Variants in CDH12 observed in about 807,000 individuals in gnomAD.
CDH12 encodes the protein cadherin-12.
Under a neutral mutation model 74.1 loss-of-function variants are expected in CDH12, and 41 were observed. The ratio of observed to expected loss-of-function variants is 0.55; its 90% confidence interval spans 0.43 to 0.72. CDH12 has a LOEUF of 0.72. Among genes scored for constraint, CDH12 ranks in the 30% least tolerant of loss-of-function variants. The probability of loss-of-function intolerance (pLI) is 0.00; values close to 1 mark genes in which losing one functional copy is unlikely to be tolerated. For synonymous variants in CDH12, 399 were observed against 355.0 expected (o/e 1.12, Z -1.39); for missense variants, 945 against 977.2 (o/e 0.97, Z 0.44).
At chr5:22,414,682 T>C (rs1743306671) in intron 2 of CDH12, among the ~76,000 whole-genome samples, 1 of 151,886 alleles carries the variant, frequency 6.6e-6, no homozygotes. Context: ...GAATTACTGA[T>C]TCAGTAAATG....
At position 22,696,981 on chromosome 5, in the gene CDH12, A is replaced by G. The variant is rs1240903640; in HGVS notation, c.-523+156077T>C. Reference sequence around the variant, plus strand: ...AAAAAAAATCTTAAAAAGAACTCCTACCGTGTAACCCAGATTGAAGTTATT... The same window carrying G: ...AAAAAAAATCTTAAAAAGAACTCCTGCCGTGTAACCCAGATTGAAGTTATT... On this transcript the variant is annotated intron_variant, in intron 1 of 14. Transcript: ENST00000382254. Among the ~76,000 whole-genome samples, 3 of 152,094 alleles carry G rather than the reference A, an allele frequency of 2.0e-5. No homozygotes were observed. The East Asian group carries it at 5.8e-4, about 29-fold the overall frequency.
chr5:22,521,758 G>C (rs943343803), intron 1 of CDH12, among the ~76,000 whole-genome samples: 1 of 152,150 alleles, frequency 6.6e-6, no homozygotes, highest in Non-Finnish European at 1.5e-5. Context: ...TTAAATGAAT[G>C]AACGTGGATG....
chr5:22,055,720 AT>A (rs1349706176), intron 5 of CDH12, among the ~76,000 whole-genome samples: 5 of 152,146 alleles, frequency 3.3e-5, no homozygotes, highest in Non-Finnish European at 7.4e-5. Flanking sequence ...GTATTAATAA[AT>A]AAAATCATAA....
At chr5:22,279,873 T>C (rs1377990820) in intron 3 of CDH12, among the ~76,000 whole-genome samples, 2 of 152,120 alleles carry the variant, frequency 1.3e-5, no homozygotes, top group African/African-American at 4.8e-5. Flanking sequence ...ATGATTTATA[T>C]TCCTTTGGGT....
At chr5:22,765,388 T>C (rs1010440002) in intron 1 of CDH12, among the ~76,000 whole-genome samples, 1 of 152,002 alleles carries the variant, frequency 6.6e-6, no homozygotes, top group Admixed American at 6.6e-5. Context: ...TCATTACTTA[T>C]GTAAGAAATT....
chr5:22,080,116 G>A (rs1742621813), intron 4 of CDH12, among the ~76,000 whole-genome samples: 1 of 152,056 alleles, frequency 6.6e-6, no homozygotes. Context: ...GGCCGAAAAC[G>A]TTGGAAGCCA....
intron 3 of CDH12, among the ~76,000 whole-genome samples, chr5:22,264,635 A>G (rs1045192874): frequency 4.6e-5 from 7 of 152,188 alleles, no homozygotes; most frequent in African/African-American, 1.7e-4. Flanking sequence ...TGGATCACAA[A>G]AGTCTTCATC....
intron 1 of CDH12, chr5:22,638,652 C>G (rs1738964971): frequency 6.6e-6 from 1 of 152,324 alleles, no homozygotes; most frequent in South Asian, 2.1e-4. Flanking sequence ...CAAGTTGACA[C>G]TAAGTGTTAA....
intron 3 of CDH12, among the ~76,000 whole-genome samples, chr5:22,389,118 T>C (rs1742123899): frequency 6.6e-6 from 1 of 152,204 alleles, no homozygotes; most frequent in East Asian, 1.9e-4. Flanking sequence ...TCCTTTATGC[T>C]ACATTTGGGC....
chr5:22,188,459 AACAG>A (rs1206350944), intron 4 of CDH12, among the ~76,000 whole-genome samples: 1 of 152,090 alleles, frequency 6.6e-6, no homozygotes, highest in Non-Finnish European at 1.5e-5. Flanking sequence ...AGCAACACAA[AACAG>A]ACAGAGAGAG....
chr5:22,676,562 C>A (rs1216952796), intron 1 of CDH12, among the ~76,000 whole-genome samples: 1 of 152,140 alleles, frequency 6.6e-6, no homozygotes, highest in African/African-American at 2.4e-5. Flanking sequence ...CAGACACATG[C>A]TGTTTTTAAC....
At chr5:21,808,764 A>C (rs2149933388) in intron 9 of CDH12, among the ~76,000 whole-genome samples, 1 of 152,208 alleles carries the variant, frequency 6.6e-6, no homozygotes, top group South Asian at 2.1e-4. Flanking sequence ...GACGTGGGAG[A>C]GTTTATGCAT....
intron 5 of CDH12, among the ~76,000 whole-genome samples, chr5:22,077,102 T>TGGATGTAA (rs1742385123): frequency 1.3e-5 from 2 of 151,712 alleles, no homozygotes; most frequent in Non-Finnish European, 2.9e-5. Context: ...GTAAGATCAC[T>TGGATGTAA]GAGACTGGAT....
chr5:22,430,485 A>C (rs1293145399), intron 2 of CDH12, among the ~76,000 whole-genome samples: 1 of 152,206 alleles, frequency 6.6e-6, no homozygotes, highest in Non-Finnish European at 1.5e-5. Flanking sequence ...TTGTGATAAA[A>C]ATACAAGGAA....
chr5:22,758,987 C>T (rs768806756), intron 1 of CDH12, among the ~76,000 whole-genome samples: 1 of 152,092 alleles, frequency 6.6e-6, no homozygotes, highest in Non-Finnish European at 1.5e-5. Flanking sequence ...CAGATATTGT[C>T]TATTTTTTTT....
intron 2 of CDH12, among the ~76,000 whole-genome samples, chr5:22,501,426 A>G (rs1263363118): frequency 1.3e-5 from 2 of 152,142 alleles, no homozygotes; most frequent in Admixed American, 1.3e-4. Flanking sequence ...ATCATGAGTA[A>G]TTGGAATAAC....
chr5:22,507,208 C>T (rs4701284), intron 1 of CDH12, among the ~76,000 whole-genome samples: 8,684 of 152,096 alleles, frequency 0.057, 355 homozygotes, highest in East Asian at 0.19. Flanking sequence ...ATAAAAAGGA[C>T]TTGAGGAGAT....
intron 4 of CDH12, among the ~76,000 whole-genome samples, chr5:22,176,689 G>A (rs1258674198): frequency 6.6e-6 from 1 of 151,992 alleles, no homozygotes; most frequent in Non-Finnish European, 1.5e-5. Context: ...TTGTCTCTCT[G>A]CTTCTGCTCT....
intron 4 of CDH12, among the ~76,000 whole-genome samples, chr5:22,097,431 C>T (rs1490839515): frequency 6.6e-6 from 1 of 152,178 alleles, no homozygotes; most frequent in Non-Finnish European, 1.5e-5. Context: ...ACCCACTCCA[C>T]ATTACCTTCT....
Sources: allele counts gnomAD v4.1 joint callset (sites outside exome capture counted in the v4.1 genomes callset), GRCh38; gene constraint gnomAD v4.1.1; transcripts MANE v1.5; gene names NCBI Gene and HGNC (gene_info 2026-07-23, HGNC 2026-07-21).